Variants in NAALADL2 observed in about 807,000 individuals in gnomAD.
The protein encoded by NAALADL2 is inactive N-acetylated-alpha-linked acidic dipeptidase-like protein 2.
NAALADL2 carries 76 observed loss-of-function variants against 87.2 expected under a neutral mutation model. The ratio of observed to expected loss-of-function variants is 0.87; its 90% CI spans 0.72 to 1.05. NAALADL2 has a LOEUF of 1.05. Ranked by LOEUF, NAALADL2 falls within the 50% of genes least tolerant of loss-of-function variation. The pLI is 0.00. For missense variants in NAALADL2, 1,089 were observed against 945.8 expected (o/e 1.15, Z -1.99); for synonymous variants, 354 against 331.0 (o/e 1.07, Z -0.75).
At chr3:175,365,723 G>A (rs1489042045) in intron 5 of NAALADL2, among the ~76,000 whole-genome samples, 1 of 146,902 alleles carries the variant, frequency 6.8e-6, no homozygotes, top group African/African-American at 2.5e-5. Flanking sequence ...GAGATACATA[G>A]GATCCAAGAC....
At chr3:175,105,962 CT>C (rs1175720718) in intron 2 of NAALADL2, among the ~76,000 whole-genome samples, 5 of 151,966 alleles carry the variant, frequency 3.3e-5, no homozygotes, top group East Asian at 1.9e-4. Context: ...CCTCACAGGT[CT>C]TTTTTTATCC....
chr3:174,561,724 T>C (rs1011536486), intron 2 of NAALADL2, among the ~76,000 whole-genome samples: 1 of 152,190 alleles, frequency 6.6e-6, no homozygotes, highest in Non-Finnish European at 1.5e-5. Context: ...AAGCAGAGAA[T>C]CTTTCTCACC....
Position 175,216,698 on chromosome 3 carries a change from T to C in NAALADL2, c.546-17233T>C, listed in dbSNP as rs536738745. On this transcript the variant is annotated intron_variant, in intron 2 of 13. Transcript: ENST00000454872. ...TTTTTTTTTTTTTTGAGAAGGTGTC[T>C]CGCCCTATTGCCCAGGCTGGAGTGC... Among the ~76,000 whole-genome samples, 14 of 139,936 alleles carry C rather than the reference T, an allele frequency of 1.0e-4. No homozygotes were observed. The East Asian group carries it at 2.9e-3, about 29-fold the overall frequency. 91.8% of individuals were successfully genotyped at this position (139,936 alleles called of 152,430 possible).
chr3:175,097,108 A>G lies in NAALADL2; in HGVS notation c.362A>G (p.Asn121Ser), dbSNP rs1005131113. The G allele has an allele frequency of 6.8e-6, 11 of 1,613,656 alleles. No individual in the cohort carries two copies. Among genetic ancestry groups the G allele is most frequent in the Admixed American group, 5.0e-5 (3 of 59,976 alleles). The change falls in exon 2 of 14, where the codon AAC becomes AGC. Residue 121 changes from asparagine (N) to serine (S), a missense_variant. Asn to Ser is a conservative substitution (Grantham distance 46, BLOSUM62 1). Transcript: ENST00000454872. ...TCTGCACCAAAGAGCAATCGCTGCAACTTTTGCCACGTCTTAAAAATACTT... is the reference window on the plus strand; with the variant it reads ...TCTGCACCAAAGAGCAATCGCTGCAGCTTTTGCCACGTCTTAAAAATACTT... Reference protein sequence around the residue: ...TRSAPKSNRCNFCHVLKILCT... With the variant: ...TRSAPKSNRCSFCHVLKILCT...
intron 13 of NAALADL2, among the ~76,000 whole-genome samples, chr3:175,769,685 GAAC>G (rs770894515): frequency 2.6e-5 from 4 of 151,924 alleles, no homozygotes; most frequent in Non-Finnish European, 5.9e-5. Context: ...CAGAGAAACA[GAAC>G]AATAGGACAA....
Position 175,537,535 on chromosome 3 carries a change from A to T in NAALADL2, c.1654-38506A>T, listed in dbSNP as rs187171859. ...CAAATAGCAACATTAATTAACAAAT[A>T]TAAAATGAGAGCAACTTTCAAAGTA... On this transcript the variant is annotated intron_variant, in intron 9 of 13. Transcript: ENST00000454872. Among the ~76,000 whole-genome samples, 45 of 152,328 alleles carry T rather than the reference A, an allele frequency of 3.0e-4. No individual in the cohort carries two copies. In the Middle Eastern group the frequency reaches 0.01, roughly 35 times the overall value.
chr3:175,403,036 T>C (rs73186722), intron 5 of NAALADL2, among the ~76,000 whole-genome samples: 3,447 of 152,196 alleles, frequency 0.023, 47 homozygotes, highest in South Asian at 0.036. Flanking sequence ...AGTTTCTGGT[T>C]TGAGCTTTAT....
intron 11 of NAALADL2, chr3:175,675,541 G>C (rs2149860539): frequency 6.6e-6 from 1 of 152,320 alleles, no homozygotes; most frequent in South Asian, 2.1e-4. Flanking sequence ...GTATGCTGTG[G>C]CTATATTTTA....
At chr3:175,226,636 G>GT (rs567652479) in intron 2 of NAALADL2, among the ~76,000 whole-genome samples, 2 of 152,022 alleles carry the variant, frequency 1.3e-5, no homozygotes, top group Non-Finnish European at 2.9e-5. Context: ...TATATCAAGA[G>GT]TTTTTTGTGA....
At position 175,590,338 on chromosome 3, in the gene NAALADL2, A is replaced by ATTT. The variant is rs374385420; in HGVS notation, c.1800+14164_1800+14166dup. Among the ~76,000 whole-genome samples, 16 of 133,490 alleles carry ATTT rather than the reference A, an allele frequency of 1.2e-4. 1 individual carries two copies. The highest frequency in any genetic ancestry group is 4.4e-4 in the African/African-American group (16 of 36,338). 87.6% of individuals were successfully genotyped at this position (133,490 alleles called of 152,430 possible). A position where few individuals can be genotyped will look rare whatever the true frequency, so the allele number is the denominator to read the frequency against. On this transcript the variant is annotated intron_variant, in intron 10 of 13. Transcript: ENST00000454872. ...CAATGTCAATTGATTGACCTGTTGA[A>ATTT]TTTTTTTTTTTTTTTGGAAAGAATA...
At chr3:175,160,759 T>C (rs1388382751) in intron 2 of NAALADL2, among the ~76,000 whole-genome samples, 1 of 152,164 alleles carries the variant, frequency 6.6e-6, no homozygotes, top group Admixed American at 6.5e-5. Flanking sequence ...TCTGGAATAG[T>C]CTCTAAGAGT....
intron 9 of NAALADL2, among the ~76,000 whole-genome samples, chr3:175,507,481 G>C (rs1730505070): frequency 6.6e-6 from 1 of 152,142 alleles, no homozygotes; most frequent in Non-Finnish European, 1.5e-5. Flanking sequence ...AGAGTGCAAT[G>C]GTGTGATCTC....
At position 175,368,464 on chromosome 3, in the gene NAALADL2, C is replaced by T. The variant is rs185647778; in HGVS notation, c.1090+44139C>T. Among the ~76,000 whole-genome samples, 366 of 152,032 alleles carry T rather than the reference C, an allele frequency of 2.4e-3. 2 individuals carry two copies. Among genetic ancestry groups the T allele is most frequent in the Non-Finnish European group, 3.2e-3 (219 of 67,982 alleles). Reference sequence around the variant, plus strand: ...TCCTCCTTGTACCTCTGGTAGAATTCGGCTGTGAATCCATCTGGTCCGAAA... The same window carrying T: ...TCCTCCTTGTACCTCTGGTAGAATTTGGCTGTGAATCCATCTGGTCCGAAA... On this transcript the variant is annotated intron_variant, in intron 5 of 13. Coordinates refer to ENST00000454872, the MANE Select transcript of NAALADL2 (RefSeq NM_207015.3).
intron 1 of NAALADL2, among the ~76,000 whole-genome samples, chr3:174,998,269 C>T (rs546284833): frequency 7.2e-5 from 11 of 152,288 alleles, no homozygotes; most frequent in African/African-American, 2.6e-4. Flanking sequence ...CTGAGGCAGC[C>T]AAACATTTGT....
chr3:175,602,458 C>CTATATATA (rs71164643), intron 10 of NAALADL2, among the ~76,000 whole-genome samples: 5 of 149,204 alleles, frequency 3.4e-5, no homozygotes, highest in Non-Finnish European at 5.9e-5. Context: ...ATGTGTGTAT[C>CTATATATA]TATATATATA....
intron 3 of NAALADL2, among the ~76,000 whole-genome samples, chr3:175,240,588 T>C (rs911896672): frequency 6.6e-6 from 1 of 152,246 alleles, no homozygotes; most frequent in Non-Finnish European, 1.5e-5. Flanking sequence ...AACTTTTGTT[T>C]TCTGGATGGT....
chr3:175,142,116 T>C (rs1403733571), intron 2 of NAALADL2, among the ~76,000 whole-genome samples: 2 of 152,096 alleles, frequency 1.3e-5, no homozygotes, highest in African/African-American at 4.8e-5. Flanking sequence ...TCTCAGTACA[T>C]GTTTGAAAAA....
At chr3:175,124,386 A>G (rs188315355) in intron 2 of NAALADL2, 3 of 152,080 alleles carry the variant, frequency 2.0e-5, no homozygotes, top group East Asian at 3.9e-4. Flanking sequence ...CAGTTTCAAC[A>G]TCTTGGTTTT....
intron 5 of NAALADL2, among the ~76,000 whole-genome samples, chr3:175,387,845 C>T (rs561603532): frequency 2.0e-5 from 3 of 152,006 alleles, no homozygotes; most frequent in Non-Finnish European, 4.4e-5. Context: ...CCAAACACTA[C>T]AACTAATCAT....
Sources: gnomAD v4.1 joint callset for allele counts (sites outside exome capture counted in the v4.1 genomes callset) on GRCh38, gnomAD v4.1.1 for gene constraint, MANE v1.5 for transcripts, NCBI Gene and HGNC (gene_info 2026-07-23, HGNC 2026-07-21) for gene names.